Variants in ADGRB3 observed in about 807,000 individuals in gnomAD.
ADGRB3 encodes the protein brain-specific angiogenesis inhibitor 3.
ADGRB3 carries 37 observed loss-of-function variants against 193.4 expected under a neutral mutation model. The observed-to-expected ratio is 0.19, with a 90% confidence interval of 0.15 to 0.25. The LOEUF (loss-of-function observed/expected upper bound fraction) is 0.25, where lower values mean the gene tolerates loss of function less well. ADGRB3 is among the 10% of genes least tolerant of loss of function. The pLI, the probability that ADGRB3 is intolerant of heterozygous loss-of-function variation, is 1.00. For synonymous variants in ADGRB3, 690 were observed against 644.2 expected (o/e 1.07, Z -1.08); for missense variants, 1,637 against 1,852.9 (o/e 0.88, Z 2.14).
chr6:69,187,587 A>C (rs1765097891), intron 17 of ADGRB3, among the ~76,000 whole-genome samples: 1 of 152,232 alleles, frequency 6.6e-6, no homozygotes, highest in Non-Finnish European at 1.5e-5. Flanking sequence ...ATTGTGGCTT[A>C]TCATCCCCTT....
chr6:69,318,306 A>T (rs892112055), intron 20 of ADGRB3, among the ~76,000 whole-genome samples: 1 of 151,452 alleles, frequency 6.6e-6, no homozygotes, highest in Non-Finnish European at 1.5e-5. Context: ...GTTCTGAATT[A>T]TATCAAATGC....
chr6:68,994,003 T>G, intron 11 of ADGRB3, 41 bp downstream of exon 11: 1 of 1,592,852 alleles, frequency 6.3e-7, no homozygotes, highest in Non-Finnish European at 8.6e-7. Context: ...CTAGTGAAGA[T>G]GCAATCAGTT....
intron 20 of ADGRB3, among the ~76,000 whole-genome samples, chr6:69,312,440 A>C (rs2127300833): frequency 6.6e-6 from 1 of 151,886 alleles, no homozygotes; most frequent in East Asian, 2.0e-4. Context: ...AAATATAAGC[A>C]CAGATGGAAT....
Position 69,249,583 on chromosome 6 carries a change from A to G in ADGRB3, c.2814+10357A>G, listed in dbSNP as rs574594044. Among the ~76,000 whole-genome samples the G allele has an allele frequency of 2.0e-5, 3 of 152,320 alleles. No homozygotes were observed. The South Asian group carries it at 6.2e-4, about 32-fold the overall frequency. On this transcript the variant is annotated intron_variant, in intron 20 of 31. Coordinates refer to ENST00000370598, the MANE Select transcript of ADGRB3 (RefSeq NM_001704.3). ...AAGTAACATCTGAAGCAGAAAATAG[A>G]GATGGCAGAGTCAAGCTAATTCCCA...
intron 3 of ADGRB3, among the ~76,000 whole-genome samples, chr6:68,920,363 C>CA (rs1767000931): frequency 6.6e-6 from 1 of 151,578 alleles, no homozygotes; most frequent in Non-Finnish European, 1.5e-5. Flanking sequence ...ACTAAAAATA[C>CA]AAAAAATTAG....
At chr6:68,991,380 G>GA (rs75027659) in intron 10 of ADGRB3, among the ~76,000 whole-genome samples, 15,753 of 151,776 alleles carry the variant, frequency 0.1, 1,007 homozygotes, top group Non-Finnish European at 0.15. Context: ...GCAGAAAAAT[G>GA]AAAAAAACAA....
chr6:68,707,053 G>T (rs1765336858), intron 3 of ADGRB3, among the ~76,000 whole-genome samples: 1 of 146,166 alleles, frequency 6.8e-6, no homozygotes, highest in Non-Finnish European at 1.5e-5. Context: ...GGAGTTTGCA[G>T]TGAGCCAAGA....
chr6:68,983,808 T>C (rs572435950), intron 10 of ADGRB3, among the ~76,000 whole-genome samples: 37 of 152,188 alleles, frequency 2.4e-4, no homozygotes, highest in African/African-American at 7.9e-4. Flanking sequence ...AGAATAATGT[T>C]TGGAAACGAC....
chr6:68,676,445 A>G (rs571451132), intron 3 of ADGRB3, among the ~76,000 whole-genome samples: 1 of 152,174 alleles, frequency 6.6e-6, no homozygotes, highest in East Asian at 1.9e-4. Flanking sequence ...GTTGACTTCA[A>G]AAATTTGGTT....
chr6:69,076,427 A>G (rs1199247947), intron 17 of ADGRB3, among the ~76,000 whole-genome samples: 2 of 152,120 alleles, frequency 1.3e-5, no homozygotes, highest in Admixed American at 6.5e-5. Context: ...TATTACTCAC[A>G]TGACCTTGAA....
chr6:69,136,261 G>T (rs2150336057), intron 17 of ADGRB3, among the ~76,000 whole-genome samples: 1 of 151,970 alleles, frequency 6.6e-6, no homozygotes, highest in African/African-American at 2.4e-5. Context: ...ATAAAACATT[G>T]GTTTATCTCT....
intron 3 of ADGRB3, among the ~76,000 whole-genome samples, chr6:68,721,655 T>TATATAA (rs1386347336): frequency 1.2e-4 from 17 of 141,350 alleles, no homozygotes; most frequent in African/African-American, 3.6e-4. Context: ...TATATATATA[T>TATATAA]AAATTATCAT....
At chr6:69,337,286 A>G (rs951130572) in intron 24 of ADGRB3, among the ~76,000 whole-genome samples, 4 of 152,198 alleles carry the variant, frequency 2.6e-5, no homozygotes, top group African/African-American at 7.2e-5. Context: ...GAAACAATAT[A>G]TAACTAATCC....
intron 16 of ADGRB3, among the ~76,000 whole-genome samples, chr6:69,075,396 C>T (rs1045815752): frequency 6.6e-6 from 1 of 152,066 alleles, no homozygotes; most frequent in Admixed American, 6.5e-5. Context: ...ACGGCAGGTA[C>T]TCAATTCATA....
At chr6:68,911,421 A>AC (rs1766707441) in intron 3 of ADGRB3, among the ~76,000 whole-genome samples, 1 of 151,234 alleles carries the variant, frequency 6.6e-6, no homozygotes, top group Non-Finnish European at 1.5e-5. Flanking sequence ...GTATAATTTA[A>AC]AAAAAAAAGG....
chr6:68,898,033 CAGAG>C (rs201425352), intron 3 of ADGRB3, among the ~76,000 whole-genome samples: 1 of 148,008 alleles, frequency 6.8e-6, no homozygotes, highest in South Asian at 2.1e-4. Flanking sequence ...GAGGGAGAGA[CAGAG>C]AGAGAGACAG....
rs1484979644 is a variant in ADGRB3 at position 68,661,393 on chromosome 6, GTGTATACATATATA to G, written c.757+21965_757+21978del. 6.8e-4 allele frequency among the ~76,000 whole-genome samples: 47 copies of G among 68,948 alleles called. 1 individual carries two copies. Among genetic ancestry groups the G allele is most frequent in the South Asian group, 1.4e-3 (3 of 2,160 alleles). 45.2% of individuals were successfully genotyped at this position (68,948 alleles called of 152,430 possible). On this transcript the variant is annotated intron_variant, in intron 3 of 31. Coordinates refer to ENST00000370598, the MANE Select transcript of ADGRB3 (RefSeq NM_001704.3). ...TATATGTGTATACATATATATATGT[GTGTATACATATATA>G]TGTGTGTGTATATATATGTGTATAC...
At chr6:68,645,594 A>G (rs1768190614) in intron 3 of ADGRB3, among the ~76,000 whole-genome samples, 1 of 152,170 alleles carries the variant, frequency 6.6e-6, no homozygotes, top group Non-Finnish European at 1.5e-5. Context: ...AATAATACCT[A>G]CTGCAATGGA....
chr6:69,254,602 G>A (rs529607894), intron 20 of ADGRB3, among the ~76,000 whole-genome samples: 11 of 151,696 alleles, frequency 7.3e-5, no homozygotes, highest in South Asian at 2.1e-4. Flanking sequence ...ATTAAATCTC[G>A]AAGCTATAAA....
Sources: gnomAD v4.1 joint callset for allele counts (sites outside exome capture counted in the v4.1 genomes callset) on GRCh38, gnomAD v4.1.1 for gene constraint, MANE v1.5 for transcripts, NCBI Gene and HGNC (gene_info 2026-07-23, HGNC 2026-07-21) for gene names.